CA10: variants seen among roughly 807,000 people sequenced by gnomAD.
CA10 encodes carbonic anhydrase-related protein 10.
A neutral mutation model predicts 44.2 loss-of-function variants in CA10; 14 were observed. That is an observed-to-expected ratio of 0.32 (90% CI 0.21 to 0.50). The LOEUF (loss-of-function observed/expected upper bound fraction) is 0.50, where lower values mean the gene tolerates loss of function less well. Among genes scored for constraint, CA10 ranks in the 20% least tolerant of loss-of-function variants. The pLI, the probability that CA10 is intolerant of heterozygous loss-of-function variation, is 0.99. For synonymous variants in CA10, 159 were observed against 141.6 expected (o/e 1.12, Z -0.87); for missense variants, 350 against 409.7 (o/e 0.85, Z 1.26).
At chr17:52,046,906 C>T (rs1355869428) in intron 2 of CA10, among the ~76,000 whole-genome samples, 2 of 151,788 alleles carry the variant, frequency 1.3e-5, no homozygotes, top group Admixed American at 6.6e-5. Flanking sequence ...ATTAATTCAC[C>T]ATTTTAACAC....
At chr17:51,851,361 A>C (rs1232040093) in intron 3 of CA10, among the ~76,000 whole-genome samples, 1 of 152,202 alleles carries the variant, frequency 6.6e-6, no homozygotes, top group Non-Finnish European at 1.5e-5. Context: ...AAGAAGGCAC[A>C]AACAGAGCCA....
chr17:52,081,644 C>T (rs947036550), intron 1 of CA10, among the ~76,000 whole-genome samples: 2 of 151,630 alleles, frequency 1.3e-5, no homozygotes, highest in Non-Finnish European at 2.9e-5. Flanking sequence ...ACTAAAAATA[C>T]AAAAAATTAG....
chr17:51,828,677 G>A (rs986869345), intron 3 of CA10, among the ~76,000 whole-genome samples: 1 of 152,124 alleles, frequency 6.6e-6, no homozygotes, highest in African/African-American at 2.4e-5. Context: ...GACACTCCAA[G>A]AGGAATCAAA....
intron 4 of CA10, among the ~76,000 whole-genome samples, chr17:51,673,949 C>T (rs1914522052): frequency 7.5e-6 from 1 of 133,408 alleles, no homozygotes; most frequent in African/African-American, 2.9e-5. Context: ...ACACACCTTC[C>T]CCTCCTCCTA....
intron 4 of CA10, among the ~76,000 whole-genome samples, chr17:51,691,232 C>T (rs1915182393): frequency 6.6e-6 from 1 of 152,196 alleles, no homozygotes; most frequent in African/African-American, 2.4e-5. Context: ...TGCACATATT[C>T]TCCAACACTT....
At chr17:52,099,947 T>G (rs1988497946) in intron 1 of CA10, among the ~76,000 whole-genome samples, 1 of 152,196 alleles carries the variant, frequency 6.6e-6, no homozygotes, top group Non-Finnish European at 1.5e-5. Flanking sequence ...AGTGGTGACC[T>G]TGATGATAGT....
intron 6 of CA10, among the ~76,000 whole-genome samples, chr17:51,644,083 G>A (rs148472647): frequency 1.3e-5 from 2 of 152,256 alleles, no homozygotes; most frequent in Admixed American, 6.5e-5. Context: ...TCCTCTTGGC[G>A]AGATTCTCCC....
chr17:52,105,233 C>T (rs1476189233), intron 1 of CA10, among the ~76,000 whole-genome samples: 1 of 146,364 alleles, frequency 6.8e-6, no homozygotes, highest in Non-Finnish European at 1.5e-5. Context: ...GAAATCAGAC[C>T]CAGGTTCAAA....
At chr17:51,920,550 C>T (rs573250082) in intron 3 of CA10, among the ~76,000 whole-genome samples, 28 of 152,242 alleles carry the variant, frequency 1.8e-4, no homozygotes, top group African/African-American at 6.3e-4. Context: ...GAATTAGAGA[C>T]ACTTATGAAA....
intron 2 of CA10, among the ~76,000 whole-genome samples, chr17:51,979,510 C>G (rs1192931624): frequency 6.6e-6 from 1 of 152,096 alleles, no homozygotes; most frequent in East Asian, 1.9e-4. Context: ...ACCCCAGTGC[C>G]TGTTGTTTTC....
At chr17:51,957,065 C>G (rs1435765753) in intron 2 of CA10, among the ~76,000 whole-genome samples, 1 of 152,072 alleles carries the variant, frequency 6.6e-6, no homozygotes, top group African/African-American at 2.4e-5. Context: ...ATAATAAACT[C>G]TTTTACAAAA....
intron 4 of CA10, among the ~76,000 whole-genome samples, chr17:51,693,826 G>T (rs1382342452): frequency 1.3e-5 from 2 of 152,036 alleles, no homozygotes; most frequent in Non-Finnish European, 2.9e-5. Context: ...GTGTCTTTTT[G>T]GTAGAACAAT....
chr17:51,756,519 T>A (rs1905086058), intron 3 of CA10, among the ~76,000 whole-genome samples: 1 of 144,012 alleles, frequency 6.9e-6, no homozygotes, highest in Admixed American at 7.2e-5. Flanking sequence ...CAGGATGGAG[T>A]GCAGTGGCGC....
intron 3 of CA10, among the ~76,000 whole-genome samples, chr17:51,849,235 A>G (rs983481815): frequency 0.026 from 1,995 of 77,620 alleles, 54 homozygotes; most frequent in African/African-American, 0.042. Flanking sequence ...ATGTGTGTGT[A>G]TATATATATA....
intron 3 of CA10, among the ~76,000 whole-genome samples, chr17:51,789,954 T>C (rs1051522667): frequency 6.6e-6 from 1 of 152,198 alleles, no homozygotes; most frequent in Non-Finnish European, 1.5e-5. Context: ...TTATCTTACA[T>C]CCCATTACCC....
intron 3 of CA10, among the ~76,000 whole-genome samples, chr17:51,818,885 G>A (rs1907666075): frequency 1.3e-5 from 2 of 152,284 alleles, no homozygotes; most frequent in East Asian, 1.9e-4. Context: ...TGTGGATAAA[G>A]CATGTAATGA....
At chr17:51,778,591 T>C (rs1032500416) in intron 3 of CA10, among the ~76,000 whole-genome samples, 2 of 152,252 alleles carry the variant, frequency 1.3e-5, no homozygotes, top group African/African-American at 4.8e-5. Context: ...GTAATAGTCC[T>C]GATGGCTGTA....
chr17:51,741,368 T>C (rs372472364), intron 4 of CA10, among the ~76,000 whole-genome samples: 2 of 152,246 alleles, frequency 1.3e-5, no homozygotes, highest in African/African-American at 4.8e-5. Flanking sequence ...AAAGCATATT[T>C]CTTTCCCAGA....
intron 2 of CA10, among the ~76,000 whole-genome samples, chr17:52,036,729 C>T (rs1986629630): frequency 6.6e-6 from 1 of 152,256 alleles, no homozygotes; most frequent in African/African-American, 2.4e-5. Flanking sequence ...AAGAACTGAC[C>T]ACCTAGGGTT....
Sources: allele counts gnomAD v4.1 joint callset (sites outside exome capture counted in the v4.1 genomes callset), GRCh38; gene constraint gnomAD v4.1.1; transcripts MANE v1.5; gene names NCBI Gene and HGNC (gene_info 2026-07-23, HGNC 2026-07-21).